The following COP1 variants were observed in gnomAD, a reference collection of about 807,000 sequenced individuals.
COP1 encodes COP1 E3 ubiquitin ligase.
COP1 carries 24 observed loss-of-function variants against 101.3 expected under a neutral mutation model. The ratio of observed to expected loss-of-function variants is 0.24; its 90% confidence interval spans 0.17 to 0.33. COP1 has a LOEUF of 0.33. COP1 is among the 10% of genes least tolerant of loss of function. The probability of loss-of-function intolerance (pLI) is 1.00; values close to 1 mark genes in which losing one functional copy is unlikely to be tolerated. For missense variants in COP1, 663 were observed against 906.2 expected, an observed-to-expected ratio of 0.73 and a Z score of 3.45; for synonymous variants, 347 against 341.9, an observed-to-expected ratio of 1.01 and a Z score of -0.17.
intron 11 of COP1, among the ~76,000 whole-genome samples, chr1:176,052,313 A>T (rs1398982652): frequency 2.6e-5 from 4 of 152,212 alleles, no homozygotes; most frequent in Non-Finnish European, 1.5e-5. Context: ...TGCACAACAA[A>T]AATTGCCTAA....
rs146269841 is a variant in COP1, at chr1:176,101,212, C to T, written c.1027-15322G>A. 2.6e-3 allele frequency among the ~76,000 whole-genome samples: 400 copies of T among 151,884 alleles called. 3 individuals carry two copies. Among genetic ancestry groups the T allele is most frequent in the African/African-American group, 9.2e-3 (382 of 41,514 alleles). On this transcript the variant is annotated intron_variant, in intron 9 of 19. Transcript: ENST00000367669. The stretch of plus-strand genomic sequence containing the variant: ...ACCCATGGGTGGCACCCTATCGTGG[C>T]TGGTGGGACTCGGGATCCAAGGACA...
intron 2 of COP1, among the ~76,000 whole-genome samples, chr1:176,179,346 G>A (rs1697421182): frequency 6.6e-6 from 1 of 151,960 alleles, no homozygotes; most frequent in South Asian, 2.1e-4. Flanking sequence ...ATAAGTAGAA[G>A]GAGAACATTA....
intron 18 of COP1, among the ~76,000 whole-genome samples, chr1:175,973,541 A>G (rs1420682581): frequency 6.6e-6 from 1 of 152,244 alleles, no homozygotes; most frequent in East Asian, 1.9e-4. Context: ...AAGTGGTGGA[A>G]AGAAGAAATT....
intron 10 of COP1, among the ~76,000 whole-genome samples, chr1:176,082,469 CTGTT>C (rs1679351405): frequency 6.6e-6 from 1 of 152,100 alleles, no homozygotes; most frequent in African/African-American, 2.4e-5. Context: ...TTGAAAATAA[CTGTT>C]TGCATGACGA....
chr1:176,031,658 C>A lies in COP1; in HGVS notation c.1613-3970G>T, dbSNP rs115525590. On this transcript the variant is annotated intron_variant, in intron 14 of 19. Coordinates refer to ENST00000367669, the MANE Select transcript of COP1 (RefSeq NM_022457.7). Reference sequence around the variant, plus strand: ...AAGAGTAACCATTAGGAAAATCATACCATAATTAGGAGGTTAAAATAAAGA... The same window carrying A: ...AAGAGTAACCATTAGGAAAATCATAACATAATTAGGAGGTTAAAATAAAGA... 8.5e-4 allele frequency among the ~76,000 whole-genome samples: 129 copies of A among 152,156 alleles called. 1 individual carries two copies. In the Middle Eastern group the frequency reaches 0.01, roughly 12 times the overall value.
At chr1:176,021,875 G>C (rs1666802975) in intron 15 of COP1, among the ~76,000 whole-genome samples, 1 of 152,182 alleles carries the variant, frequency 6.6e-6, no homozygotes, top group Admixed American at 6.5e-5. Flanking sequence ...ATCTATGTCT[G>C]ATTGAAAACA....
At chr1:176,133,175 CAT>C (rs1388441258) in intron 8 of COP1, among the ~76,000 whole-genome samples, 5 of 130,330 alleles carry the variant, frequency 3.8e-5, no homozygotes, top group East Asian at 4.9e-4. Flanking sequence ...TATGTACACA[CAT>C]ACGTATATAC....
chr1:176,048,338 C>A (rs1671879327), intron 11 of COP1, among the ~76,000 whole-genome samples: 1 of 151,010 alleles, frequency 6.6e-6, no homozygotes, highest in Non-Finnish European at 1.5e-5. Flanking sequence ...TGGTGCCCAG[C>A]CAATTTAAAA....
In COP1 at chr1:175,989,481, T is replaced by TA. The variant is rs1424736946; in HGVS notation, c.1730-3dup. On this transcript the variant is annotated splice_polypyrimidine_tract_variant and splice_region_variant and intron_variant, in intron 15 of 19. Transcript: ENST00000367669. Reference sequence around the variant, plus strand: ...GATCATAGTAGTGGACACAGTGATCTAAAACAAAACAAAATTAGATAAATG... The same window carrying TA: ...GATCATAGTAGTGGACACAGTGATCTAAAAACAAAACAAAATTAGATAAATG... The TA allele has an allele frequency of 6.8e-7, 1 of 1,466,778 alleles. No homozygotes were observed. The highest frequency in any genetic ancestry group is 2.3e-5 in the East Asian group (1 of 44,158). 90.9% of individuals were successfully genotyped at this position (1,466,778 alleles called of 1,614,324 possible).
intron 15 of COP1, among the ~76,000 whole-genome samples, chr1:175,991,666 G>A (rs1309641921): frequency 6.6e-6 from 1 of 151,994 alleles, no homozygotes; most frequent in Non-Finnish European, 1.5e-5. Flanking sequence ...TTGTACAGCT[G>A]GACAAAAGTA....
chr1:176,170,474 T>C (rs1416003585), intron 3 of COP1, among the ~76,000 whole-genome samples: 1 of 152,238 alleles, frequency 6.6e-6, no homozygotes, highest in Non-Finnish European at 1.5e-5. Flanking sequence ...TTTGTACATC[T>C]GTATCAGAGC....
At chr1:175,956,876 T>G (rs1402384857) in intron 18 of COP1, among the ~76,000 whole-genome samples, 1 of 152,174 alleles carries the variant, frequency 6.6e-6, no homozygotes, top group East Asian at 1.9e-4. Context: ...TCTATGTGTG[T>G]TATTGTCCCT....
At chr1:176,125,864 A>G (rs184721923) in intron 8 of COP1, among the ~76,000 whole-genome samples, 94 of 152,148 alleles carry the variant, frequency 6.2e-4, no homozygotes, top group African/African-American at 2.1e-3. Context: ...AACATGGCAT[A>G]CCTTTCCAGT....
chr1:176,175,860 A>G, intron 3 of COP1, 50 bp downstream of exon 3: 1 of 1,099,942 alleles, frequency 9.1e-7, no homozygotes, highest in South Asian at 1.3e-5. Flanking sequence ...CTAGCACACA[A>G]TTTTGGGGAT....
chr1:176,034,004 TAAAAGCA>T (rs1228650978), intron 14 of COP1, among the ~76,000 whole-genome samples: 1 of 152,222 alleles, frequency 6.6e-6, no homozygotes, highest in African/African-American at 2.4e-5. Context: ...AAGATGGGCT[TAAAAGCA>T]TTTGAGACTT....
chr1:176,111,727 T>C (rs78475696), intron 9 of COP1, among the ~76,000 whole-genome samples: 1,561 of 152,320 alleles, frequency 0.01, 16 homozygotes, highest in Non-Finnish European at 0.017. Context: ...TACTTTTGGG[T>C]TTTTTTCAGT....
chr1:175,966,560 C>T (rs1652063609), intron 18 of COP1, among the ~76,000 whole-genome samples: 1 of 152,028 alleles, frequency 6.6e-6, no homozygotes, highest in Non-Finnish European at 1.5e-5. Context: ...AGAAATATAC[C>T]AATGCTGATC....
chr1:176,020,332 C>A (rs1460716378), intron 15 of COP1, among the ~76,000 whole-genome samples: 8 of 142,132 alleles, frequency 5.6e-5, no homozygotes, highest in South Asian at 2.3e-4. Context: ...AAAAAAAAAA[C>A]CTTCATACTC....
At chr1:176,112,174 CA>C (rs145049885) in intron 9 of COP1, among the ~76,000 whole-genome samples, 16,469 of 150,056 alleles carry the variant, frequency 0.11, 990 homozygotes, top group Middle Eastern at 0.16. Flanking sequence ...TATCTCAAAC[CA>C]AAAGTCTCCT....
Sources: gnomAD v4.1 joint callset for allele counts (sites outside exome capture counted in the v4.1 genomes callset) on GRCh38, gnomAD v4.1.1 for gene constraint, MANE v1.5 for transcripts, NCBI Gene and HGNC (gene_info 2026-07-23, HGNC 2026-07-21) for gene names.